The following ANKRD6 variants were observed in gnomAD, a reference collection of about 807,000 sequenced individuals.
The protein encoded by ANKRD6 is ankyrin repeat domain-containing protein 6.
A neutral mutation model predicts 82.3 loss-of-function variants in ANKRD6; 56 were observed. The observed-to-expected ratio is 0.68, with a 90% CI of 0.55 to 0.85. The LOEUF (loss-of-function observed/expected upper bound fraction) is 0.85, where lower values mean the gene tolerates loss of function less well. ANKRD6 is among the 40% of genes least tolerant of loss of function. The probability of loss-of-function intolerance (pLI) is 0.00; values close to 1 mark genes in which losing one functional copy is unlikely to be tolerated. For synonymous variants in ANKRD6, 347 were observed against 352.1 expected, an observed-to-expected ratio of 0.99 and a Z score of 0.16; for missense variants, 852 against 907.6, an observed-to-expected ratio of 0.94 and a Z score of 0.79.
chr6:89,626,929 C>T (rs1439117591), intron 13 of ANKRD6, among the ~76,000 whole-genome samples: 4 of 152,240 alleles, frequency 2.6e-5, no homozygotes, highest in Non-Finnish European at 5.9e-5. Flanking sequence ...CGGATAAAAG[C>T]TCATTTTACT....
chr6:89,523,423 G>A (rs1009579075), intron 1 of ANKRD6, among the ~76,000 whole-genome samples: 1 of 152,178 alleles, frequency 6.6e-6, no homozygotes, highest in Admixed American at 6.5e-5. Flanking sequence ...ATAGTTGGAG[G>A]ACCTTCTGGT....
intron 1 of ANKRD6, among the ~76,000 whole-genome samples, chr6:89,532,059 T>G (rs183120170): frequency 1.3e-5 from 2 of 152,310 alleles, no homozygotes; most frequent in Non-Finnish European, 2.9e-5. Context: ...TGGTAAATTA[T>G]CTCTTGCTTG....
intron 1 of ANKRD6, among the ~76,000 whole-genome samples, chr6:89,525,350 C>T (rs892959964): frequency 1.3e-4 from 19 of 151,892 alleles, no homozygotes. Context: ...AGACCTGCAC[C>T]CCTGGCCTTG....
chr6:89,575,720 A>G (rs1790975471), intron 2 of ANKRD6, among the ~76,000 whole-genome samples: 1 of 152,106 alleles, frequency 6.6e-6, no homozygotes, highest in Non-Finnish European at 1.5e-5. Flanking sequence ...GTTTCCCTTG[A>G]GAGGAAATGA....
At chr6:89,609,693 C>T (rs1047950004) in intron 5 of ANKRD6, among the ~76,000 whole-genome samples, 2 of 152,050 alleles carry the variant, frequency 1.3e-5, no homozygotes, top group African/African-American at 2.4e-5. Context: ...CTTGCTGAAA[C>T]CTCTGCCTCC....
chr6:89,452,408 G>T (rs934099976), intron 1 of ANKRD6, among the ~76,000 whole-genome samples: 1 of 152,162 alleles, frequency 6.6e-6, no homozygotes. Context: ...AGTGAGGGGG[G>T]AAATGTTATA....
intron 2 of ANKRD6, among the ~76,000 whole-genome samples, chr6:89,567,930 G>T (rs1348675149): frequency 1.3e-5 from 2 of 152,222 alleles, no homozygotes; most frequent in Admixed American, 6.5e-5. Context: ...GTGAAGAGGG[G>T]CAAAGTTTAA....
chr6:89,587,322 C>A (rs1793958242), intron 2 of ANKRD6, among the ~76,000 whole-genome samples: 1 of 151,844 alleles, frequency 6.6e-6, no homozygotes, highest in Non-Finnish European at 1.5e-5. Context: ...AACCCTGTCT[C>A]TACTAAAAAT....
chr6:89,524,596 G>A (rs1202636601), intron 1 of ANKRD6, among the ~76,000 whole-genome samples: 4 of 152,176 alleles, frequency 2.6e-5, no homozygotes, highest in African/African-American at 9.7e-5. Context: ...ATAATGTGGT[G>A]TATATACCAC....
intron 1 of ANKRD6, among the ~76,000 whole-genome samples, chr6:89,509,454 A>G (rs1472777940): frequency 6.6e-6 from 1 of 152,212 alleles, no homozygotes; most frequent in Non-Finnish European, 1.5e-5. Flanking sequence ...CATGAAGCCA[A>G]GGGACTGGAC....
At chr6:89,473,158 C>A (rs1445821271) in intron 1 of ANKRD6, among the ~76,000 whole-genome samples, 1 of 152,098 alleles carries the variant, frequency 6.6e-6, no homozygotes, top group Non-Finnish European at 1.5e-5. Context: ...CACCTGTAAT[C>A]CCAGCACTTT....
At position 89,618,017 on chromosome 6, in the gene ANKRD6, A is replaced by C; in HGVS notation, c.778A>C (p.Thr260Pro). The change falls in exon 9 of 16, where the codon ACT (threonine) becomes CCT (proline). Residue 260 changes from threonine to proline, a missense_variant. Coordinates refer to ENST00000339746, the MANE Select transcript of ANKRD6 (RefSeq NM_001242809.2). ...TAACCCGGAAGTTGCTCTTCTCCTT[A>C]CTAAAGCTCCCCAGGTAGGATTTAC... Reference protein sequence around the residue: ...HNNPEVALLLTKAPQVLRFSR... With the variant: ...HNNPEVALLLPKAPQVLRFSR... 6.2e-7 allele frequency: 1 copy of C among 1,614,058 alleles called. No homozygotes were observed. The highest frequency in any genetic ancestry group is 8.5e-7 in the Non-Finnish European group (1 of 1,179,900).
intron 2 of ANKRD6, among the ~76,000 whole-genome samples, chr6:89,573,719 G>T (rs1229766695): frequency 6.6e-6 from 1 of 152,222 alleles, no homozygotes; most frequent in Non-Finnish European, 1.5e-5. Context: ...AACCTAGGCA[G>T]AGAATTATTT....
intron 2 of ANKRD6, among the ~76,000 whole-genome samples, chr6:89,574,610 T>G (rs12661697): frequency 0.14 from 21,384 of 152,194 alleles, 1,771 homozygotes; most frequent in South Asian, 0.33. Context: ...TTGATAGCAA[T>G]TGCAAGGTAT....
chr6:89,449,029 CA>C lies in ANKRD6; in HGVS notation c.-144+15676del, dbSNP rs368751340. On this transcript the variant is annotated intron_variant, in intron 1 of 15. Transcript: ENST00000339746. ...TGGGAGACACAGCGAGACTCCGTCT[CA>C]AAAAAAAAAAAAAAAAAAAAAGAAA... Among the ~76,000 whole-genome samples, 478 of 52,414 alleles carry C rather than the reference CA, an allele frequency of 9.1e-3. 2 individuals carry two copies. The highest frequency in any genetic ancestry group is 0.024 in the African/African-American group (360 of 15,276). The allele number at this position is 52,414 out of a possible 152,430, so 34.4% of individuals were successfully genotyped here. A position where few individuals can be genotyped will look rare whatever the true frequency, so the allele number is the denominator to read the frequency against.
chr6:89,490,248 G>C (rs1243492285), intron 1 of ANKRD6, among the ~76,000 whole-genome samples: 1 of 152,230 alleles, frequency 6.6e-6, no homozygotes, highest in Non-Finnish European at 1.5e-5. Context: ...TTTTTCGGCT[G>C]TGGTTTTCAA....
chr6:89,581,335 CAG>C (rs1173385088), intron 2 of ANKRD6, among the ~76,000 whole-genome samples: 1 of 152,220 alleles, frequency 6.6e-6, no homozygotes, highest in Admixed American at 6.5e-5. Context: ...ACTTCTGAGT[CAG>C]AGCATGCATG....
intron 1 of ANKRD6, among the ~76,000 whole-genome samples, chr6:89,509,812 C>T (rs1454623840): frequency 6.6e-6 from 1 of 152,156 alleles, no homozygotes; most frequent in Admixed American, 6.5e-5. Context: ...GTTAACTTCT[C>T]CCAAGTAATG....
At chr6:89,517,090 G>C (rs1210015714) in intron 1 of ANKRD6, among the ~76,000 whole-genome samples, 1 of 152,058 alleles carries the variant, frequency 6.6e-6, no homozygotes, top group Admixed American at 6.5e-5. Context: ...TGCTGGTCTC[G>C]AATTCCTGGG....
Sources: allele counts gnomAD v4.1 joint callset (sites outside exome capture counted in the v4.1 genomes callset), GRCh38; gene constraint gnomAD v4.1.1; transcripts MANE v1.5; gene names NCBI Gene and HGNC (gene_info 2026-07-23, HGNC 2026-07-21).